The following LINGO2 variants were observed in gnomAD, a reference collection of about 807,000 sequenced individuals.
LINGO2 encodes the protein leucine-rich repeat and immunoglobulin-like domain-containing nogo receptor-interacting protein 2.
In LINGO2, 14 loss-of-function variants were observed where a neutral mutation model predicts 30.6. The observed-to-expected ratio is 0.46, with a 90% confidence interval of 0.30 to 0.72. The LOEUF (loss-of-function observed/expected upper bound fraction) is 0.72, where lower values mean the gene tolerates loss of function less well. Among genes scored for constraint, LINGO2 ranks in the 30% least tolerant of loss-of-function variants. LINGO2 has a pLI of 0.07. For synonymous variants in LINGO2, 317 were observed against 288.5 expected, an observed-to-expected ratio of 1.10 and a Z score of -1.00; for missense variants, 729 against 751.7, an observed-to-expected ratio of 0.97 and a Z score of 0.35.
At chr9:28,262,948 T>C (rs1254101614) in intron 4 of LINGO2, among the ~76,000 whole-genome samples, 9 of 152,010 alleles carry the variant, frequency 5.9e-5, no homozygotes, top group African/African-American at 2.2e-4. Context: ...ACTTAGAAGC[T>C]TACAACACAC....
At chr9:28,417,153 G>T (rs1354560223) in intron 2 of LINGO2, among the ~76,000 whole-genome samples, 1 of 152,156 alleles carries the variant, frequency 6.6e-6, no homozygotes, top group Non-Finnish European at 1.5e-5. Context: ...AGTCACTGGG[G>T]AAATGGTTAG....
At chr9:28,883,628 G>GTGTGTATGTATATATATATATATATA in the LINGO2 span, among the ~76,000 whole-genome samples, 102 of 64,158 alleles carry the variant, frequency 1.6e-3, 27 homozygotes, top group Admixed American at 2.2e-3. Flanking sequence ...ATGTGTGTGT[G>GTGTGTATGTATATATATATATATATA]TATATATATA....
At chr9:29,205,754 T>C in the LINGO2 span, among the ~76,000 whole-genome samples, 2 of 152,196 alleles carry the variant, frequency 1.3e-5, no homozygotes, top group African/African-American at 4.8e-5. Flanking sequence ...TCAAACACCA[T>C]GAAATTTACT....
At chr9:28,219,304 C>T (rs1447169098) in intron 4 of LINGO2, among the ~76,000 whole-genome samples, 1 of 152,160 alleles carries the variant, frequency 6.6e-6, no homozygotes, top group Non-Finnish European at 1.5e-5. Context: ...TGGCTTTCTG[C>T]ATACTTGCTC....
At chr9:28,021,401 T>A (rs1823114218) in intron 4 of LINGO2, among the ~76,000 whole-genome samples, 1 of 152,304 alleles carries the variant, frequency 6.6e-6, no homozygotes, top group African/African-American at 2.4e-5. Context: ...AGGTGTCTTA[T>A]GGCCCACAGT....
At position 28,496,495 on chromosome 9, in the gene LINGO2, G is replaced by C. The variant is rs187856127; in HGVS notation, c.-364-20470C>G. Among the ~76,000 whole-genome samples the C allele has an allele frequency of 8.6e-4, 129 of 150,556 alleles. 1 individual carries two copies. Among genetic ancestry groups the C allele is most frequent in the Non-Finnish European group, 1.6e-3 (111 of 67,844 alleles). On this transcript the variant is annotated intron_variant, in intron 1 of 5. Transcript: ENST00000379992. Reference sequence around the variant, plus strand: ...CTAGGATTGCAACCCCTGCCTTTTTGTTTTCCATTTGCTTGGTAGATCTTC... The same window carrying C: ...CTAGGATTGCAACCCCTGCCTTTTTCTTTTCCATTTGCTTGGTAGATCTTC...
chr9:28,207,109 T>G (rs1474855771), intron 4 of LINGO2, among the ~76,000 whole-genome samples: 1 of 152,172 alleles, frequency 6.6e-6, no homozygotes, highest in Non-Finnish European at 1.5e-5. Context: ...GTGCCATGCA[T>G]TATGCATTTG....
the LINGO2 span, among the ~76,000 whole-genome samples, chr9:28,720,740 A>C: frequency 1.3e-5 from 2 of 152,084 alleles, no homozygotes; most frequent in Non-Finnish European, 2.9e-5. Flanking sequence ...CAATGTTAGA[A>C]GATTGGAGGA....
intron 3 of LINGO2, among the ~76,000 whole-genome samples, chr9:28,351,667 T>G (rs1819898865): frequency 6.7e-6 from 1 of 150,020 alleles, no homozygotes; most frequent in African/African-American, 2.5e-5. Context: ...AGCATCATTC[T>G]GATACCAAAG....
the LINGO2 span, among the ~76,000 whole-genome samples, chr9:29,000,852 T>TA: frequency 6.6e-6 from 1 of 151,988 alleles, no homozygotes; most frequent in African/African-American, 2.4e-5. Flanking sequence ...CAGGAGGACA[T>TA]ATACCGTGTT....
At chr9:28,682,717 G>C in the LINGO2 span, among the ~76,000 whole-genome samples, 9 of 152,086 alleles carry the variant, frequency 5.9e-5, no homozygotes, top group Admixed American at 3.3e-4. Flanking sequence ...AAAATAATTT[G>C]CAAGGGGTTA....
intron 1 of LINGO2, among the ~76,000 whole-genome samples, chr9:28,515,802 C>A (rs1378050254): frequency 6.6e-6 from 1 of 152,166 alleles, no homozygotes; most frequent in African/African-American, 2.4e-5. Flanking sequence ...TTTGAGAGGA[C>A]TGATTCCATT....
chr9:28,943,931 A>T, the LINGO2 span, among the ~76,000 whole-genome samples: 1 of 152,222 alleles, frequency 6.6e-6, no homozygotes, highest in Non-Finnish European at 1.5e-5. Flanking sequence ...CTAAACATTC[A>T]TGAGTAACAC....
At chr9:28,883,632 A>G in the LINGO2 span, among the ~76,000 whole-genome samples, 8,972 of 18,118 alleles carry the variant, frequency 0.5, 1,496 homozygotes, top group Non-Finnish European at 0.54. Context: ...GTGTGTGTAT[A>G]TATATATATA....
chr9:28,797,329 C>CATATATATAT, the LINGO2 span, among the ~76,000 whole-genome samples: 164 of 65,918 alleles, frequency 2.5e-3, 3 homozygotes, highest in Admixed American at 4.4e-3. Context: ...ATCATATATA[C>CATATATATAT]ATATATATAT....
At chr9:28,220,857 C>T (rs1447809593) in intron 4 of LINGO2, among the ~76,000 whole-genome samples, 1 of 151,942 alleles carries the variant, frequency 6.6e-6, no homozygotes, top group Non-Finnish European at 1.5e-5. Flanking sequence ...CACCTCCAGC[C>T]CAAAGGAAAA....
chr9:28,245,084 C>A (rs1433938923), intron 4 of LINGO2, among the ~76,000 whole-genome samples: 1 of 152,056 alleles, frequency 6.6e-6, no homozygotes. Flanking sequence ...AAATCCAGCA[C>A]CACATCAAAA....
At chr9:28,953,705 AAAAG>A in the LINGO2 span, among the ~76,000 whole-genome samples, 2 of 152,082 alleles carry the variant, frequency 1.3e-5, no homozygotes, top group Non-Finnish European at 2.9e-5. Context: ...ATTTTTGGAG[AAAAG>A]AAAGAGATTT....
At chr9:28,263,069 A>T (rs1016225623) in intron 4 of LINGO2, among the ~76,000 whole-genome samples, 1 of 151,720 alleles carries the variant, frequency 6.6e-6, no homozygotes, top group Non-Finnish European at 1.5e-5. Flanking sequence ...TAGAGGTACA[A>T]CCCCCTGTTA....
Sources: gnomAD v4.1 joint callset for allele counts (sites outside exome capture counted in the v4.1 genomes callset) on GRCh38, gnomAD v4.1.1 for gene constraint, MANE v1.5 for transcripts, NCBI Gene and HGNC (gene_info 2026-07-23, HGNC 2026-07-21) for gene names.